The following PGLYRP2 variants were observed in gnomAD, a reference collection of about 807,000 sequenced individuals.
PGLYRP2 encodes peptidoglycan recognition protein 2.
A neutral mutation model predicts 46.2 loss-of-function variants in PGLYRP2; 38 were observed. The observed-to-expected ratio is 0.82, with a 90% CI of 0.64 to 1.08. The LOEUF (loss-of-function observed/expected upper bound fraction) is 1.08, where lower values mean the gene tolerates loss of function less well. PGLYRP2 is among the 50% of genes least tolerant of loss of function. PGLYRP2 has a pLI of 0.00. For missense variants in PGLYRP2, 713 were observed against 755.9 expected, an observed-to-expected ratio of 0.94 and a Z score of 0.67; for synonymous variants, 289 against 329.4, an observed-to-expected ratio of 0.88 and a Z score of 1.33.
intron 2 of PGLYRP2, among the ~76,000 whole-genome samples, 170 bp downstream of exon 2, chr19:15,475,368 A>C (rs977454145): frequency 6.6e-6 from 1 of 152,174 alleles, no homozygotes; most frequent in African/African-American, 2.4e-5. Flanking sequence ...TTCATCCTTC[A>C]AGGCCCAACT....
chr19:15,474,483 G>A (rs1323509798), intron 2 of PGLYRP2, among the ~76,000 whole-genome samples: 1 of 152,134 alleles, frequency 6.6e-6, no homozygotes, highest in Non-Finnish European at 1.5e-5. Flanking sequence ...GTTGATCAGG[G>A]CACTATTCAC....
rs1267592011 is a variant in PGLYRP2, at chr19:15,469,578, G to A, written c.1641+54C>T. On this transcript the variant is annotated intron_variant, in intron 4 of 4. Transcript: ENST00000340880. The surrounding 1 kb of genome is among the most constrained non-coding windows in gnomAD (Gnocchi z 4.9). ...AGGCAGGGGGCAGGGGCCTCGTGGAGCTTGTGTAGACGGAGGGGCGGCGGG... is the reference window on the plus strand; with the variant it reads ...AGGCAGGGGGCAGGGGCCTCGTGGAACTTGTGTAGACGGAGGGGCGGCGGG... 4 of 1,551,952 alleles carry A rather than the reference G, an allele frequency of 2.6e-6. No individual in the cohort carries two copies. Among genetic ancestry groups the A allele is most frequent in the Non-Finnish European group, 3.5e-6 (4 of 1,155,192 alleles).
intron 1 of PGLYRP2, among the ~76,000 whole-genome samples, chr19:15,478,870 C>A (rs1970821034): frequency 6.6e-6 from 1 of 152,038 alleles, no homozygotes; most frequent in African/African-American, 2.4e-5. Context: ...GATCTGCCCG[C>A]CTTGATCTCC....
chr19:15,474,309 C>G (rs999817443), intron 2 of PGLYRP2, among the ~76,000 whole-genome samples: 26 of 152,002 alleles, frequency 1.7e-4, no homozygotes, highest in Admixed American at 3.9e-4. Context: ...TGCACTCCAG[C>G]CTGGGAGACA....
chr19:15,471,009 A>G (rs776934064), intron 3 of PGLYRP2, among the ~76,000 whole-genome samples: 1 of 151,264 alleles, frequency 6.6e-6, no homozygotes, highest in Non-Finnish European at 1.5e-5. Context: ...ATGCGATCAT[A>G]ACTCACTCAA....
chr19:15,468,785 G>A, intron 4 of PGLYRP2, 33 bp from the exon 5 acceptor site: 1 of 1,565,192 alleles, frequency 6.4e-7, no homozygotes, highest in Non-Finnish European at 8.7e-7. Flanking sequence ...GAGGCTTGGG[G>A]GTGGTTGTGG....
chr19:15,471,418 T>A (rs549665125), intron 3 of PGLYRP2, among the ~76,000 whole-genome samples: 4 of 131,572 alleles, frequency 3.0e-5, no homozygotes, highest in African/African-American at 5.7e-5. Flanking sequence ...CTGGCCTTTT[T>A]AAGTTTTTTT....
chr19:15,470,058 T>A, intron 3 of PGLYRP2, 129 bp from the exon 4 acceptor site: 6 of 981,266 alleles, frequency 6.1e-6, no homozygotes, highest in Non-Finnish European at 8.2e-6. Context: ...TCGCGCTGCC[T>A]GTGTCCCATC....
At chr19:15,471,645 G>A (rs962507226) in intron 3 of PGLYRP2, among the ~76,000 whole-genome samples, 3 of 152,046 alleles carry the variant, frequency 2.0e-5, no homozygotes, top group Non-Finnish European at 2.9e-5. Context: ...CCCAGATCCC[G>A]CCTCCTGTAC....
At chr19:15,473,853 A>C (rs1249698504) in intron 2 of PGLYRP2, among the ~76,000 whole-genome samples, 2 of 151,258 alleles carry the variant, frequency 1.3e-5, no homozygotes, top group African/African-American at 2.5e-5. Context: ...AGAAAGAAAG[A>C]AAGAAAAAGA....
rs56053684 is a variant in PGLYRP2 at position 15,473,470 on chromosome 19, C to CAA, written c.1133-1372_1133-1371dup. Among the ~76,000 whole-genome samples, 47 of 36,474 alleles carry CAA rather than the reference C, an allele frequency of 1.3e-3. 2 individuals are homozygous for CAA. The highest frequency in any genetic ancestry group is 9.6e-3 in the East Asian group (4 of 418). 23.9% of individuals were successfully genotyped at this position (36,474 alleles called of 152,430 possible). A position where few individuals can be genotyped will look rare whatever the true frequency, so the allele number is the denominator to read the frequency against. On this transcript the variant is annotated intron_variant, in intron 2 of 4. Transcript: ENST00000340880. Reference sequence around the variant, plus strand: ...GGGCAACAGAGCAAAAACTCTGTCTCAAAAAAAAAAAAAAAAAAAAAAAAA... The same window carrying CAA: ...GGGCAACAGAGCAAAAACTCTGTCTCAAAAAAAAAAAAAAAAAAAAAAAAAAA...
intron 2 of PGLYRP2, among the ~76,000 whole-genome samples, chr19:15,474,571 C>T (rs1449785603): frequency 6.6e-6 from 1 of 152,002 alleles, no homozygotes; most frequent in East Asian, 1.9e-4. Flanking sequence ...ATATTACAGG[C>T]CTGGATGGCT....
At chr19:15,470,246 TTCCTTCCTTCC>T (rs1970733309) in intron 3 of PGLYRP2, among the ~76,000 whole-genome samples, 1 of 90,362 alleles carries the variant, frequency 1.1e-5, no homozygotes, top group African/African-American at 4.7e-5. Context: ...TTTTCTTTCC[TTCCTTCCTTCC>T]TTCCTTCCTT....
Position 15,472,081 on chromosome 19 carries a change from GGGGT to G in PGLYRP2, c.1148_1151del (p.His383ProfsTer99). The G allele has an allele frequency of 1.2e-6, 2 of 1,603,668 alleles. No homozygotes were observed. The highest frequency in any genetic ancestry group is 2.7e-5 in the African/African-American group (2 of 75,050). On this transcript the variant is annotated frameshift_variant, in exon 3 of 5. Transcript: ENST00000340880. LOFTEE classifies it high-confidence loss of function. ...AAGGCGCCGCTCCCCAGCGGCAGCG[GGGGT>G]GGATGGCCGGGCATCCTACAGGCAA...
chr19:15,471,863 C>T (rs776242603), intron 3 of PGLYRP2, 27 bp downstream of exon 3: 4 of 1,605,196 alleles, frequency 2.5e-6, no homozygotes, highest in South Asian at 1.1e-5. Flanking sequence ...GTGGGCCCCG[C>T]CCCCTCCCCG....
chr19:15,478,843 A>G (rs1970820799), intron 1 of PGLYRP2, among the ~76,000 whole-genome samples: 1 of 151,968 alleles, frequency 6.6e-6, no homozygotes, highest in South Asian at 2.1e-4. Context: ...GCTGGTCTCG[A>G]TCTCCTGATC....
At chr19:15,470,643 T>G (rs1451146668) in intron 3 of PGLYRP2, among the ~76,000 whole-genome samples, 2 of 145,668 alleles carry the variant, frequency 1.4e-5, no homozygotes, top group Non-Finnish European at 3.0e-5. Context: ...CTTCTTCCCT[T>G]CCCTTCCCTT....
Position 15,475,832 on chromosome 19 carries a change from C to A in PGLYRP2, c.838G>T (p.Val280Phe). ...CGGCTCAGGTAGTCTCCAAGGATGA[C>A]CCCATCCAGGGCGCCATTGAGGAAG... ...MAFLNGALDG[V>F]ILGDYLSRTP... Residue 280 changes from valine (V) to phenylalanine (F), a missense_variant, in exon 2 of 5, where the codon GTC (valine) becomes TTC (phenylalanine). Coordinates refer to ENST00000340880, the MANE Select transcript of PGLYRP2 (RefSeq NM_052890.4). The A allele has an allele frequency of 1.9e-6, 3 of 1,614,044 alleles. No individual in the cohort carries two copies. The highest frequency in any genetic ancestry group is 2.5e-6 in the Non-Finnish European group (3 of 1,180,024).
intron 3 of PGLYRP2, 117 bp downstream of exon 3, chr19:15,471,769 TCCTC>T: frequency 8.6e-7 from 1 of 1,162,312 alleles, no homozygotes; most frequent in Non-Finnish European, 1.2e-6. Context: ...CTATCAGGAC[TCCTC>T]CTTGGTCTTG....
Sources: allele counts gnomAD v4.1 joint callset (sites outside exome capture counted in the v4.1 genomes callset), GRCh38; gene constraint gnomAD v4.1.1; non-coding constraint Gnocchi (gnomAD v3.1); transcripts MANE v1.5; gene names NCBI Gene and HGNC (gene_info 2026-07-23, HGNC 2026-07-21).